SLC30A10: variants seen among roughly 807,000 people sequenced by gnomAD.
SLC30A10 encodes calcium/manganese antiporter SLC30A10.
Under a neutral mutation model 21.7 loss-of-function variants are expected in SLC30A10, and 8 were observed. That is an observed-to-expected ratio of 0.37 (90% confidence interval 0.22 to 0.67). The LOEUF (loss-of-function observed/expected upper bound fraction) is 0.67. Ranked by LOEUF, SLC30A10 falls within the 30% of genes least tolerant of loss-of-function variation. SLC30A10 has a pLI of 0.58. For synonymous variants in SLC30A10, 272 were observed against 279.4 expected (o/e 0.97, Z 0.26); for missense variants, 521 against 642.5 (o/e 0.81, Z 2.04).
At chr1:219,951,582 G>A (rs1161582313) in intron 1 of SLC30A10, among the ~76,000 whole-genome samples, 3 of 151,862 alleles carry the variant, frequency 2.0e-5, no homozygotes, top group South Asian at 4.2e-4. Flanking sequence ...TTAGCCGGGT[G>A]TGGTGGCGGG....
intron 1 of SLC30A10, among the ~76,000 whole-genome samples, chr1:219,952,951 A>C (rs936476226): frequency 6.6e-6 from 1 of 152,168 alleles, no homozygotes; most frequent in Non-Finnish European, 1.5e-5. Context: ...TCACGGGACA[A>C]CAAGAGAAGT....
At chr1:219,955,715 A>G (rs1660340732) in intron 1 of SLC30A10, among the ~76,000 whole-genome samples, 2 of 152,226 alleles carry the variant, frequency 1.3e-5, no homozygotes, top group South Asian at 4.1e-4. Flanking sequence ...CTTGTTAAGC[A>G]AAATCTCTAG....
At chr1:219,931,243 A>G (rs1425834683), upstream of SLC30A10, among the ~76,000 whole-genome samples, 2 of 152,238 alleles carry the variant, frequency 1.3e-5, no homozygotes. Flanking sequence ...AAGGCAGATA[A>G]GAATTGTGTC....
At chr1:219,942,805 G>A (rs1319093496) in intron 1 of SLC30A10, among the ~76,000 whole-genome samples, 1 of 152,210 alleles carries the variant, frequency 6.6e-6, no homozygotes, top group Non-Finnish European at 1.5e-5. Flanking sequence ...AGCATTCTGG[G>A]AGGCTGAAGA....
chr1:219,924,564 T>G (rs6663745), intron 2 of SLC30A10, among the ~76,000 whole-genome samples: 116,124 of 152,108 alleles, frequency 0.76, 44,572 homozygotes, highest in East Asian at 0.87. Flanking sequence ...CGGGAATATG[T>G]AAAGGCTCCT....
intron 1 of SLC30A10, among the ~76,000 whole-genome samples, chr1:219,956,630 T>C (rs891219355): frequency 1.4e-5 from 2 of 143,306 alleles, no homozygotes; most frequent in African/African-American, 5.2e-5. Flanking sequence ...CTGGCCAACA[T>C]GGCGAAACCC....
chr1:219,940,033 G>A (rs753884734), intron 1 of SLC30A10, among the ~76,000 whole-genome samples: 8 of 152,172 alleles, frequency 5.3e-5, no homozygotes, highest in Admixed American at 3.9e-4. Flanking sequence ...CTTCTACAGG[G>A]TGACCTTGAT....
At chr1:219,936,462 G>A (rs1274632562) in intron 1 of SLC30A10, among the ~76,000 whole-genome samples, 4 of 152,152 alleles carry the variant, frequency 2.6e-5, no homozygotes, top group Admixed American at 2.6e-4. Flanking sequence ...CCTGTGGTAA[G>A]ATATCCTGTT....
intron 2 of SLC30A10, among the ~76,000 whole-genome samples, chr1:219,921,403 G>A (rs1192657673): frequency 6.6e-6 from 1 of 152,072 alleles, no homozygotes; most frequent in African/African-American, 2.4e-5. Flanking sequence ...TATCAATCTG[G>A]GTGGTCTGAC....
chr1:219,947,814 A>C (rs1341452536), intron 1 of SLC30A10, among the ~76,000 whole-genome samples: 1 of 152,166 alleles, frequency 6.6e-6, no homozygotes, highest in South Asian at 2.1e-4. Context: ...TGGGCAACCA[A>C]TAAGAGAGAA....
At position 219,911,160 on chromosome 1, in the gene SLC30A10, T is replaced by G. The variant is rs10863515; in HGVS notation, c.*4289A>C. Among the ~76,000 whole-genome samples the G allele has an allele frequency of 5.3e-4, 39 of 73,172 alleles. No individual in the cohort carries two copies. Among genetic ancestry groups the G allele is most frequent in the Middle Eastern group, 5.8e-3 (1 of 172 alleles). 48.0% of individuals were successfully genotyped at this position (73,172 alleles called of 152,430 possible). A position where few individuals can be genotyped will look rare whatever the true frequency, so the allele number is the denominator to read the frequency against. Reference sequence around the variant, plus strand: ...TTTTTTCTACATCAGTTTTTTTTTTTTTTTTTTTTTTTTTGCAGTCTTTTA... The same window carrying G: ...TTTTTTCTACATCAGTTTTTTTTTTGTTTTTTTTTTTTTTGCAGTCTTTTA... On this transcript the variant is annotated 3_prime_UTR_variant, in exon 4 of 4. Coordinates refer to ENST00000366926, the MANE Select transcript of SLC30A10 (RefSeq NM_018713.3).
chr1:219,927,654 A>AC (rs1659866071), intron 1 of SLC30A10, 147 bp downstream of exon 1: 11 of 555,610 alleles, frequency 2.0e-5, no homozygotes, highest in East Asian at 2.0e-4. Context: ...AAAAAAAAAA[A>AC]AAAAAAAAAA....
At chr1:219,953,152 T>G (rs1266588452) in intron 1 of SLC30A10, among the ~76,000 whole-genome samples, 1 of 152,196 alleles carries the variant, frequency 6.6e-6, no homozygotes, top group Non-Finnish European at 1.5e-5. Flanking sequence ...ATAGACAAAA[T>G]GCAAAGTAAA....
rs984436542 is a variant in SLC30A10 at position 219,913,281 on chromosome 1, C to G, written c.*2168G>C. Among the ~76,000 whole-genome samples the G allele has an allele frequency of 1.3e-5, 2 of 152,180 alleles. No individual in the cohort carries two copies. The highest frequency in any genetic ancestry group is 4.8e-5 in the African/African-American group (2 of 41,442). On this transcript the variant is annotated 3_prime_UTR_variant, in exon 4 of 4. Transcript: ENST00000366926. Reference sequence around the variant, plus strand: ...CCAGGCCATAATCTGGTATAACTGTCTATCAAGATACTTTTCTGAAGTTAG... The same window carrying G: ...CCAGGCCATAATCTGGTATAACTGTGTATCAAGATACTTTTCTGAAGTTAG...
chr1:219,928,423 G>A lies in SLC30A10; in HGVS notation c.18C>T (p.Gly6=), dbSNP rs377586814. The change falls in exon 1 of 4, where the codon GGC becomes GGT. Residue 6 remains glycine, a synonymous_variant. Transcript: ENST00000366926. The surrounding 1 kb of genome is among the most constrained non-coding windows in gnomAD (Gnocchi z 6.3). The part of the protein sequence containing the change: MGRYS[G]KTCRLLFMLV... ...GCATGAAGAGCAGCCGGCACGTCTT[G>A]CCAGAGTAGCGGCCCATCTCGCCAC... The A allele has an allele frequency of 2.5e-6, 4 of 1,611,436 alleles. No homozygotes were observed. Among genetic ancestry groups the A allele is most frequent in the Admixed American group, 1.7e-5 (1 of 59,896 alleles).
At chr1:219,942,120 C>A (rs1318214315) in intron 1 of SLC30A10, among the ~76,000 whole-genome samples, 1 of 152,092 alleles carries the variant, frequency 6.6e-6, no homozygotes, top group African/African-American at 2.4e-5. Flanking sequence ...ACTGTTCTAG[C>A]TCTGGGATAA....
At chr1:219,955,902 T>C (rs987793047) in intron 1 of SLC30A10, among the ~76,000 whole-genome samples, 1 of 152,248 alleles carries the variant, frequency 6.6e-6, no homozygotes, top group Non-Finnish European at 1.5e-5. Context: ...TTCCCTCTCA[T>C]AGTTTATAAC....
chr1:219,931,683 G>A (rs556922240), upstream of SLC30A10, among the ~76,000 whole-genome samples: 179 of 152,212 alleles, frequency 1.2e-3, no homozygotes, highest in African/African-American at 3.6e-3. Flanking sequence ...GTTTCACCAC[G>A]TTGGCCAAGC....
chr1:219,935,096 AG>A (rs202126716), intron 1 of SLC30A10, among the ~76,000 whole-genome samples: 3 of 149,866 alleles, frequency 2.0e-5, no homozygotes, highest in Non-Finnish European at 4.4e-5. Context: ...GTGAACAGTG[AG>A]GGGGAAAAAT....
Sources: gnomAD v4.1 joint callset for allele counts (sites outside exome capture counted in the v4.1 genomes callset) on GRCh38, gnomAD v4.1.1 for gene constraint, Gnocchi (gnomAD v3.1) non-coding constraint, MANE v1.5 for transcripts, NCBI Gene and HGNC (gene_info 2026-07-23, HGNC 2026-07-21) for gene names.